Variants in KIT observed in about 807,000 individuals in gnomAD.
KIT encodes mast/stem cell growth factor receptor Kit.
Under a neutral mutation model 105.7 loss-of-function variants are expected in KIT, and 16 were observed. The observed-to-expected ratio is 0.15, with a 90% CI of 0.10 to 0.23. KIT has a LOEUF of 0.23. Ranked by LOEUF, KIT falls within the 10% of genes least tolerant of loss-of-function variation. KIT has a pLI of 1.00. For missense variants in KIT, 858 were observed against 1,213.8 expected, an observed-to-expected ratio of 0.71 and a Z score of 4.36; for synonymous variants, 438 against 441.1, an observed-to-expected ratio of 0.99 and a Z score of 0.09.
Position 54,732,045 on chromosome 4 carries a change from ATTTTTT to A in KIT, c.2361+67_2361+72del, listed in dbSNP as rs71662297. ...AAGAGTTTTGTGTTTTGTTTTTTTG[ATTTTTT>A]TTTTTTTTTTTTTTTTTTTGAGAAC... On this transcript the variant is annotated intron_variant, in intron 16 of 20. Coordinates refer to ENST00000288135, the MANE Select transcript of KIT (RefSeq NM_000222.3). 1,295 of 888,074 alleles carry A rather than the reference ATTTTTT, an allele frequency of 1.5e-3. 6 individuals are homozygous for A. In the African/African-American group the frequency reaches 0.02, roughly 14 times the overall value. The allele number at this position is 888,074 out of a possible 1,614,324, so 55.0% of individuals were successfully genotyped here. A position where few individuals can be genotyped will look rare whatever the true frequency, so the allele number is the denominator to read the frequency against.
rs1341983868 is a variant in KIT, at chr4:54,729,319, T to C, written c.1991-16T>C. The C allele has an allele frequency of 6.2e-7, 1 of 1,612,984 alleles. No homozygotes were observed. Among genetic ancestry groups the C allele is most frequent in the Admixed American group, 1.7e-5 (1 of 59,994 alleles). ...ATATCTCACCTTCTTTCTAACCTTT[T>C]CTTATGTGCTTTTAGGGCCCACCCT... On this transcript the variant is annotated splice_polypyrimidine_tract_variant and intron_variant, in intron 13 of 20. Transcript: ENST00000288135.
At chr4:54,706,588 A>AACATTT (rs1183079191) in intron 5 of KIT, among the ~76,000 whole-genome samples, 1 of 152,152 alleles carries the variant, frequency 6.6e-6, no homozygotes, top group Non-Finnish European at 1.5e-5. Flanking sequence ...AGTTAAAAAT[A>AACATTT]ACATTTTATT....
intron 7 of KIT, among the ~76,000 whole-genome samples, chr4:54,711,739 T>C (rs1721174879): frequency 9.3e-6 from 1 of 107,480 alleles, no homozygotes; most frequent in Admixed American, 1.1e-4. Context: ...CTGGCCAACA[T>C]GGTGAAACCC....
chr4:54,690,081 T>C (rs867405461), intron 1 of KIT, among the ~76,000 whole-genome samples: 3 of 150,370 alleles, frequency 2.0e-5, no homozygotes, highest in Middle Eastern at 6.8e-3. Flanking sequence ...CTGTGTAATG[T>C]TCCATTGTAT....
At chr4:54,694,865 A>G (rs1464921429) in intron 1 of KIT, among the ~76,000 whole-genome samples, 4 of 152,210 alleles carry the variant, frequency 2.6e-5, no homozygotes, top group Non-Finnish European at 5.9e-5. Context: ...CAGGTTTCAT[A>G]TTCAGAGCCT....
intron 1 of KIT, among the ~76,000 whole-genome samples, chr4:54,683,924 G>A (rs1719122925): frequency 6.6e-6 from 1 of 152,176 alleles, no homozygotes; most frequent in African/African-American, 2.4e-5. Context: ...ATGCTTCATT[G>A]CAGAGAATGA....
chr4:54,722,815 TTATA>T (rs10572198), intron 7 of KIT, among the ~76,000 whole-genome samples: 55 of 144,930 alleles, frequency 3.8e-4, no homozygotes, highest in Middle Eastern at 3.6e-3. Context: ...ATATATATAT[TTATA>T]TATATATATG....
At chr4:54,661,489 A>C (rs1047858272) in intron 1 of KIT, among the ~76,000 whole-genome samples, 2 of 152,230 alleles carry the variant, frequency 1.3e-5, no homozygotes, top group African/African-American at 4.8e-5. Context: ...CTCTAGCGGA[A>C]TTCTCAGAGC....
intron 7 of KIT, among the ~76,000 whole-genome samples, chr4:54,713,162 C>A (rs546352413): frequency 6.6e-6 from 1 of 151,968 alleles, no homozygotes; most frequent in African/African-American, 2.4e-5. Flanking sequence ...GTTTTAGTTA[C>A]ATAGATAAGT....
At position 54,738,573 on chromosome 4, in the gene KIT, G is replaced by A. The variant is rs2109819907; in HGVS notation, c.*16G>A. ...CGATGTCTGAGCAGAATCAGTGTTT[G>A]GGTCACCCCTCCAGGAATGATCTCT... is the stretch of plus-strand genomic sequence containing the variant. On this transcript the variant is annotated 3_prime_UTR_variant, in exon 21 of 21. Transcript: ENST00000288135. 2.5e-6 allele frequency: 4 copies of A among 1,613,518 alleles called. No individual in the cohort carries two copies. The highest frequency in any genetic ancestry group is 3.4e-6 in the Non-Finnish European group (4 of 1,179,974).
rs1210962059 is a variant in KIT at position 54,695,658 on chromosome 4, G to T, written c.214G>T (p.Asp72Tyr). Residue 72 changes from aspartate to tyrosine, a missense_variant, in exon 2 of 21, where the codon GAT (aspartate) becomes TAT (tyrosine). Around this residue, in one of 7 missense-constraint regions of KIT, gnomAD observed 401 missense variants for 601.0 expected, o/e 0.67. Coordinates refer to ENST00000288135, the MANE Select transcript of KIT (RefSeq NM_000222.3). ...GFVKWTFEIL[D>Y]ETNENKQNEW... is the part of the protein sequence containing the mutation. Reference sequence around the variant, plus strand: ...TGTCAAATGGACTTTTGAGATCCTGGATGAAACGAATGAGAATAAGCAGAA... The same window carrying T: ...TGTCAAATGGACTTTTGAGATCCTGTATGAAACGAATGAGAATAAGCAGAA... 1 of 1,614,102 alleles carries T rather than the reference G, an allele frequency of 6.2e-7. No homozygotes were observed. The highest frequency in any genetic ancestry group is 1.3e-5 in the African/African-American group (1 of 74,936).
At chr4:54,719,514 T>A (rs895877004) in intron 7 of KIT, among the ~76,000 whole-genome samples, 1 of 152,174 alleles carries the variant, frequency 6.6e-6, no homozygotes, top group South Asian at 2.1e-4. Flanking sequence ...CTGATCGGTG[T>A]TGTTGGCGAT....
At position 54,738,537 on chromosome 4, in the gene KIT, C is replaced by T. The variant is rs745807112; in HGVS notation, c.2911C>T (p.Leu971Phe). The part of the protein sequence containing the change: ...GSTASSSQPL[L>F]VHDDV ...CACCGCTTCCTCCTCCCAGCCTCTG[C>T]TTGTGCACGACGATGTCTGAGCAGA... The change falls in exon 21 of 21, where the codon CTT becomes TTT. Residue 971 changes from leucine to phenylalanine, a missense_variant. Leu to Phe is a conservative substitution (Grantham distance 22). Around this residue, in one of 7 missense-constraint regions of KIT, gnomAD observed 105 missense variants for 103.5 expected, o/e 1.01. Coordinates refer to ENST00000288135, the MANE Select transcript of KIT (RefSeq NM_000222.3). 1 of 1,614,108 alleles carries T rather than the reference C, an allele frequency of 6.2e-7. No individual in the cohort carries two copies. Among genetic ancestry groups the T allele is most frequent in the Non-Finnish European group, 8.5e-7 (1 of 1,180,022 alleles).
chr4:54,708,613 A>G (rs1303024458), intron 6 of KIT, among the ~76,000 whole-genome samples: 2 of 152,126 alleles, frequency 1.3e-5, no homozygotes, highest in African/African-American at 2.4e-5. Context: ...GAGACATGGT[A>G]CAGAGAACCC....
At chr4:54,690,064 G>C (rs983263561) in intron 1 of KIT, among the ~76,000 whole-genome samples, 2 of 138,454 alleles carry the variant, frequency 1.4e-5, no homozygotes, top group East Asian at 4.0e-4. Flanking sequence ...TTTGTGGGGG[G>C]GGGGGGCTGT....
intron 7 of KIT, among the ~76,000 whole-genome samples, chr4:54,716,722 T>C (rs1161135982): frequency 2.6e-5 from 4 of 152,212 alleles, no homozygotes; most frequent in Admixed American, 6.5e-5. Flanking sequence ...GACTGAATTT[T>C]AAAAGAAACC....
intron 7 of KIT, among the ~76,000 whole-genome samples, chr4:54,717,667 T>A (rs1577980358): frequency 6.6e-6 from 1 of 152,300 alleles, no homozygotes; most frequent in Non-Finnish European, 1.5e-5. Flanking sequence ...TTAGCTTCCT[T>A]CATTTACAGA....
Position 54,740,707 on chromosome 4 carries a change from A to G in KIT, c.*2150A>G, listed in dbSNP as rs1723194947. On this transcript the variant is annotated 3_prime_UTR_variant, in exon 21 of 21. Transcript: ENST00000288135. Reference sequence around the variant, plus strand: ...AAGAATTCTAATAAAATGTACATATATAAATCAAGTGGAGTCATTTGATTG... The same window carrying G: ...AAGAATTCTAATAAAATGTACATATGTAAATCAAGTGGAGTCATTTGATTG... The G allele has an allele frequency of 1.7e-5, 4 of 229,646 alleles. No homozygotes were observed. In the East Asian group the frequency reaches 2.5e-4, roughly 14 times the overall value. 14.2% of individuals were successfully genotyped at this position (229,646 alleles called of 1,614,324 possible).
At chr4:54,659,620 T>G (rs1022265540) in intron 1 of KIT, among the ~76,000 whole-genome samples, 2 of 152,142 alleles carry the variant, frequency 1.3e-5, no homozygotes, top group African/African-American at 4.8e-5. Context: ...TGGACCCCTG[T>G]GCAGCAGGAG....
Sources: allele counts gnomAD v4.1 joint callset (sites outside exome capture counted in the v4.1 genomes callset), GRCh38; gene constraint gnomAD v4.1.1; regional missense constraint gnomAD v4.1.1; transcripts MANE v1.5; gene names NCBI Gene and HGNC (gene_info 2026-07-23, HGNC 2026-07-21).